FBXO10: variants seen among roughly 807,000 people sequenced by gnomAD.
FBXO10 encodes the protein F-box protein 10.
FBXO10 carries 39 observed loss-of-function variants against 80.7 expected under a neutral mutation model. That is an observed-to-expected ratio of 0.48 (90% confidence interval 0.37 to 0.63). The LOEUF is 0.63. Ranked by LOEUF, FBXO10 falls within the 30% of genes least tolerant of loss-of-function variation. FBXO10 has a pLI of 0.00. For missense variants in FBXO10, 1,025 were observed against 1,269.0 expected, an observed-to-expected ratio of 0.81 and a Z score of 2.92; for synonymous variants, 449 against 489.6, an observed-to-expected ratio of 0.92 and a Z score of 1.09.
intron 1 of FBXO10, among the ~76,000 whole-genome samples, chr9:37,549,569 T>A (rs569608810): frequency 5.9e-5 from 9 of 152,352 alleles, no homozygotes; most frequent in African/African-American, 2.2e-4. Flanking sequence ...GCCATAGTTT[T>A]TAGTTTTGTC....
At position 37,525,085 on chromosome 9, in the gene FBXO10, G is replaced by A; in HGVS notation, c.1777+17C>T. The A allele has an allele frequency of 1.3e-6, 2 of 1,555,170 alleles. No homozygotes were observed. Among genetic ancestry groups the A allele is most frequent in the Non-Finnish European group, 1.7e-6 (2 of 1,149,066 alleles). On this transcript the variant is annotated intron_variant, in intron 6 of 10. Coordinates refer to ENST00000432825, the MANE Select transcript of FBXO10 (RefSeq NM_012166.3). ...CCTTGGCCTGGCTGCCAGGTGCCAG[G>A]CAGTTCCCATCCGTACCTGTGATGA...
Position 37,531,922 on chromosome 9 carries a change from T to G in FBXO10, c.1556A>C (p.Asn519Thr). 3 of 1,613,830 alleles carry G rather than the reference T, an allele frequency of 1.9e-6. No individual in the cohort carries two copies. Among genetic ancestry groups the G allele is most frequent in the Non-Finnish European group, 2.5e-6 (3 of 1,179,786 alleles). ...EAGVDIRKKS[N>T]PLILCNQIHH... ...AACACAAAGTACCAGTATGAGTGGGTTGGACTTTTTCCGGATGTCTACACC... is the reference window on the plus strand; with the variant it reads ...AACACAAAGTACCAGTATGAGTGGGGTGGACTTTTTCCGGATGTCTACACC... Residue 519 changes from asparagine (N) to threonine (T), a missense_variant, in exon 4 of 11, where the codon AAC becomes ACC. This residue lies in a region of FBXO10 where 478 missense variants were observed against 667.8 expected (regional missense o/e 0.72). Transcript: ENST00000432825.
chr9:37,553,513 T>C (rs1411127180), intron 1 of FBXO10, among the ~76,000 whole-genome samples: 1 of 152,170 alleles, frequency 6.6e-6, no homozygotes, highest in Non-Finnish European at 1.5e-5. Flanking sequence ...CCTTGCTATG[T>C]GGTATGGCTA....
intron 1 of FBXO10, among the ~76,000 whole-genome samples, chr9:37,569,120 G>C (rs887848569): frequency 6.6e-6 from 1 of 151,808 alleles, no homozygotes. Context: ...TTTTCCCAGG[G>C]TTTAAAAAAC....
At chr9:37,573,386 C>CA (rs1822808997) in intron 1 of FBXO10, among the ~76,000 whole-genome samples, 1 of 152,136 alleles carries the variant, frequency 6.6e-6, no homozygotes, top group African/African-American at 2.4e-5. Flanking sequence ...GCTGAGCACG[C>CA]AAGCATAAAT....
In FBXO10 at chr9:37,518,145, G is replaced by A; in HGVS notation, c.2494C>T (p.Leu832=). Residue 832 remains leucine (L), a synonymous_variant, in exon 9 of 11, where the codon CTG becomes TTG. Transcript: ENST00000432825. The part of the protein sequence containing the change: ...IGNRGSGLQL[L]PRSDTKVIKN... ...CTCACTTTAGTGTCGGACCTGGGCA[G>A]CAGCTGCAGCCCGCTGCCCCGGTTG... is the stretch of plus-strand genomic sequence containing the variant. The A allele has an allele frequency of 6.2e-7, 1 of 1,613,504 alleles. No individual in the cohort carries two copies. The highest frequency in any genetic ancestry group is 2.2e-5 in the East Asian group (1 of 44,890).
At chr9:37,526,056 C>T (rs10116373) in intron 5 of FBXO10, among the ~76,000 whole-genome samples, 12,236 of 151,644 alleles carry the variant, frequency 0.081, 1,381 homozygotes, top group African/African-American at 0.25. Context: ...AGAAAGGATC[C>T]GTGGCCACCT....
chr9:37,567,454 G>A (rs1040731295), intron 1 of FBXO10, among the ~76,000 whole-genome samples: 3 of 151,078 alleles, frequency 2.0e-5, no homozygotes, highest in East Asian at 2.0e-4. Flanking sequence ...CTTACATATC[G>A]TCTTAATGAG....
intron 1 of FBXO10, among the ~76,000 whole-genome samples, chr9:37,551,022 A>G (rs1822185313): frequency 6.6e-6 from 1 of 152,242 alleles, no homozygotes; most frequent in African/African-American, 2.4e-5. Flanking sequence ...AAATCAAACA[A>G]GCTATGTGCT....
Position 37,512,657 on chromosome 9 carries a change from G to C in FBXO10, c.2761C>G (p.Pro921Ala). The C allele has an allele frequency of 6.2e-7, 1 of 1,614,018 alleles. No individual in the cohort carries two copies. Among genetic ancestry groups the C allele is most frequent in the Non-Finnish European group, 8.5e-7 (1 of 1,179,892 alleles). The part of the protein sequence containing the change: ...RPHLENSLRR[P>A]SAAHNGQKVT... ...TTCTGCCCATTGTGGGCTGCCGAGG[G>C]ACGTCTGAGAGAATTTTCAAGGTGG... The change falls in exon 11 of 11, where the codon CCC becomes GCC. Residue 921 changes from proline to alanine, a missense_variant. Coordinates refer to ENST00000432825, the MANE Select transcript of FBXO10 (RefSeq NM_012166.3).
intron 2 of FBXO10, among the ~76,000 whole-genome samples, chr9:37,539,226 T>C (rs1821857022): frequency 6.6e-6 from 1 of 152,240 alleles, no homozygotes; most frequent in Non-Finnish European, 1.5e-5. Context: ...TCCTTATGGC[T>C]AACCTAATTT....
rs1252592139 is a variant in FBXO10 at position 37,561,144 on chromosome 9, A to AAAAAC, written c.-7+15062_-7+15066dup. Among the ~76,000 whole-genome samples, 132 of 151,944 alleles carry AAAAAC rather than the reference A, an allele frequency of 8.7e-4. 1 individual carries two copies. Among genetic ancestry groups the AAAAAC allele is most frequent in the African/African-American group, 2.3e-3 (97 of 41,366 alleles). On this transcript the variant is annotated intron_variant, in intron 1 of 10. Coordinates refer to ENST00000432825, the MANE Select transcript of FBXO10 (RefSeq NM_012166.3). ...GCGAAAGAGCAAGACTCCGTCTCAA[A>AAAAAC]AAAACAAAACAAAACAAAACAAAAT... is the stretch of plus-strand genomic sequence containing the variant.
chr9:37,519,151 C>T (rs977657003), intron 8 of FBXO10, among the ~76,000 whole-genome samples: 14 of 152,164 alleles, frequency 9.2e-5, no homozygotes, highest in African/African-American at 3.1e-4. Flanking sequence ...CCTCGTGATC[C>T]ACCTGCCTCG....
At chr9:37,553,641 C>T (rs916370879) in intron 1 of FBXO10, among the ~76,000 whole-genome samples, 2 of 151,638 alleles carry the variant, frequency 1.3e-5, no homozygotes, top group South Asian at 2.1e-4. Flanking sequence ...CACGGTGGCT[C>T]ATGCCTGGAA....
intron 8 of FBXO10, 86 bp from the exon 9 acceptor site, chr9:37,518,524 C>T: frequency 1.7e-6 from 2 of 1,171,654 alleles, no homozygotes; most frequent in Non-Finnish European, 1.2e-6. Context: ...CTGAATTGTG[C>T]ACTCCGGGAG....
chr9:37,545,226 G>C (rs1822027896), intron 1 of FBXO10, among the ~76,000 whole-genome samples: 1 of 132,846 alleles, frequency 7.5e-6, no homozygotes, highest in Non-Finnish European at 1.5e-5. Flanking sequence ...ACCCAGACTG[G>C]AGTGCAGTGG....
intron 1 of FBXO10, among the ~76,000 whole-genome samples, chr9:37,565,450 C>G (rs926693357): frequency 2.0e-5 from 3 of 152,166 alleles, no homozygotes; most frequent in Non-Finnish European, 4.4e-5. Flanking sequence ...ATATTAAGTG[C>G]TTTTCATGCA....
intron 1 of FBXO10, among the ~76,000 whole-genome samples, chr9:37,566,050 A>C (rs1399158416): frequency 1.3e-5 from 2 of 152,136 alleles, no homozygotes; most frequent in African/African-American, 4.8e-5. Flanking sequence ...TTTCTAGTTA[A>C]TTTGGGGGAC....
At chr9:37,515,789 A>G in intron 10 of FBXO10, 115 bp downstream of exon 10, 2 of 1,112,450 alleles carry the variant, frequency 1.8e-6, no homozygotes, top group Admixed American at 4.5e-5. Context: ...TGGAGTCGAC[A>G]GCTGGCAGGG....
Sources: allele counts gnomAD v4.1 joint callset (sites outside exome capture counted in the v4.1 genomes callset), GRCh38; gene constraint gnomAD v4.1.1; regional missense constraint gnomAD v4.1.1; transcripts MANE v1.5; gene names NCBI Gene and HGNC (gene_info 2026-07-23, HGNC 2026-07-21).